The following ZNF462 variants were observed in gnomAD, a reference collection of about 807,000 sequenced individuals.
The protein encoded by ZNF462 is zinc finger PBX1-interacting protein.
A neutral mutation model predicts 201.9 loss-of-function variants in ZNF462; 10 were observed. That is an observed-to-expected ratio of 0.05 (90% CI 0.03 to 0.08). The LOEUF (loss-of-function observed/expected upper bound fraction) is 0.08, where lower values mean the gene tolerates loss of function less well. ZNF462 is among the 10% of genes least tolerant of loss of function. ZNF462 has a pLI of 1.00. For synonymous variants in ZNF462, 1,227 were observed against 1,193.3 expected (o/e 1.03, Z -0.58); for missense variants, 2,523 against 3,168.3 (o/e 0.80, Z 4.89).
In ZNF462 at chr9:106,870,336, A is replaced by G. The variant is rs1827534563; in HGVS notation, c.-31+6981A>G. On this transcript the variant is annotated intron_variant, in intron 1 of 12. Transcript: ENST00000277225. The surrounding 1 kb of genome is among the most constrained non-coding windows in gnomAD (Gnocchi z 4.3). ...TGTGCCAGGTCATGGGTATTTTGGT[A>G]TTGATTTCCTTGCTTTCATGTGTTT... is the stretch of plus-strand genomic sequence containing the variant. Among the ~76,000 whole-genome samples the G allele has an allele frequency of 6.6e-6, 1 of 152,064 alleles. No individual in the cohort carries two copies. The highest frequency in any genetic ancestry group is 1.5e-5 in the Non-Finnish European group (1 of 68,024).
At chr9:106,908,090 C>G (rs1052320731) in intron 1 of ZNF462, among the ~76,000 whole-genome samples, 2 of 151,856 alleles carry the variant, frequency 1.3e-5, no homozygotes, top group South Asian at 4.2e-4. Flanking sequence ...AATGTATTAT[C>G]TCTTAATTGT....
At position 106,924,121 on chromosome 9, in the gene ZNF462, C is replaced by G; in HGVS notation, c.221-12C>G. ...CTTTTGCTTTGTCACTTTCCTTATG[C>G]TTTTTCTTTAGGTCAAAATGCAACT... is the stretch of plus-strand genomic sequence containing the variant. On this transcript the variant is annotated splice_polypyrimidine_tract_variant and intron_variant, in intron 2 of 12. Transcript: ENST00000277225. This position sits in a 1 kb window ranked among gnomAD's most constrained non-coding sequence, Gnocchi z 6.2. 6.3e-7 allele frequency: 1 copy of G among 1,579,406 alleles called. No homozygotes were observed. Among genetic ancestry groups the G allele is most frequent in the Non-Finnish European group, 8.6e-7 (1 of 1,165,340 alleles).
In ZNF462 at chr9:106,895,884, T is replaced by C. The variant is rs935902110; in HGVS notation, c.-30-27470T>C. Among the ~76,000 whole-genome samples, 1 of 152,202 alleles carries C rather than the reference T, an allele frequency of 6.6e-6. No homozygotes were observed. Among genetic ancestry groups the C allele is most frequent in the East Asian group, 1.9e-4 (1 of 5,188 alleles). On this transcript the variant is annotated intron_variant, in intron 1 of 12. Coordinates refer to ENST00000277225, the MANE Select transcript of ZNF462 (RefSeq NM_021224.6). This position sits in a 1 kb window ranked among gnomAD's most constrained non-coding sequence, Gnocchi z 4.4. The stretch of plus-strand genomic sequence containing the variant: ...AATTATTCATAGACAAACCATTCAG[T>C]CTGGTTATGATGTTCACCTCCCCTC...
chr9:106,959,439 A>G (rs1831728725), intron 7 of ZNF462, among the ~76,000 whole-genome samples: 1 of 152,126 alleles, frequency 6.6e-6, no homozygotes, highest in African/African-American at 2.4e-5. Context: ...GATATAATGC[A>G]GACTTCATTG....
rs2131513703 is a variant in ZNF462 at position 106,929,343 on chromosome 9, T to C, written c.5431T>C (p.Tyr1811His). 6.2e-7 allele frequency: 1 copy of C among 1,614,082 alleles called. No homozygotes were observed. Among genetic ancestry groups the C allele is most frequent in the East Asian group, 2.2e-5 (1 of 44,866 alleles). The stretch of plus-strand genomic sequence containing the variant: ...GTTGGGGGGCTACTTCACGGCCGTC[T>C]ATGCAGATGAGCATGAGAAGCCCAC... ...SKLGGYFTAV[Y>H]ADEHEKPTLM... Residue 1811 changes from tyrosine to histidine, a missense_variant, in exon 3 of 13, where the codon TAT (tyrosine) becomes CAT (histidine). This residue lies in a region of ZNF462 where 207 missense variants were observed against 231.6 expected (regional missense o/e 0.89). Transcript: ENST00000277225. The surrounding 1 kb of genome is among the most constrained non-coding windows in gnomAD (Gnocchi z 8.7).
intron 7 of ZNF462, among the ~76,000 whole-genome samples, chr9:106,948,925 C>T (rs1831224900): frequency 6.6e-6 from 1 of 151,872 alleles, no homozygotes; most frequent in Non-Finnish European, 1.5e-5. Context: ...TGAGATTTTG[C>T]CAATCAAAAA....
rs1410607339 is a variant in ZNF462 at position 106,917,886 on chromosome 9, ATTTATTTT to A, written c.-30-5467_-30-5460del. Reference sequence around the variant, plus strand: ...TATTTATTTATTTATTTATTTATTTATTTATTTTGTGACAGAGTCTCACTCTGCCACCC... The same window carrying A: ...TATTTATTTATTTATTTATTTATTTAGTGACAGAGTCTCACTCTGCCACCC... On this transcript the variant is annotated intron_variant, in intron 1 of 12. Coordinates refer to ENST00000277225, the MANE Select transcript of ZNF462 (RefSeq NM_021224.6). The surrounding 1 kb of genome is among the most constrained non-coding windows in gnomAD (Gnocchi z 4.5). Among the ~76,000 whole-genome samples the A allele has an allele frequency of 1.0e-4, 15 of 146,232 alleles. No homozygotes were observed. The highest frequency in any genetic ancestry group is 3.9e-4 in the African/African-American group (15 of 38,370).
At position 106,923,739 on chromosome 9, in the gene ZNF462, G is replaced by A; in HGVS notation, c.220+136G>A. ...TTTGCTAGCCATTTTTGTGGTTTGG[G>A]CATCATGTATCTCTCCTTGAGTACC... On this transcript the variant is annotated intron_variant, in intron 2 of 12. Coordinates refer to ENST00000277225, the MANE Select transcript of ZNF462 (RefSeq NM_021224.6). The surrounding 1 kb of genome is among the most constrained non-coding windows in gnomAD (Gnocchi z 5.6). 1.2e-6 allele frequency: 1 copy of A among 825,186 alleles called. No individual in the cohort carries two copies. Among genetic ancestry groups the A allele is most frequent in the Non-Finnish European group, 1.9e-6 (1 of 529,478 alleles). The allele number at this position is 825,186 out of a possible 1,614,324, so 51.1% of individuals were successfully genotyped here.
At chr9:106,940,187 C>T (rs1428617116) in intron 7 of ZNF462, among the ~76,000 whole-genome samples, 1 of 152,158 alleles carries the variant, frequency 6.6e-6, no homozygotes, top group East Asian at 1.9e-4. Flanking sequence ...TCTGCCTCAA[C>T]TGATTATCTT....
chr9:106,909,899 A>C (rs970677288), intron 1 of ZNF462, among the ~76,000 whole-genome samples: 1 of 152,290 alleles, frequency 6.6e-6, no homozygotes, highest in African/African-American at 2.4e-5. Flanking sequence ...ATTTTCTACC[A>C]CAGATTTAAG....
Position 106,963,942 on chromosome 9 carries a change from T to G in ZNF462, c.6428-8063T>G, listed in dbSNP as rs1831954505. ...TCATGGAAGTGGCATCGTGCAGTAT[T>G]TGTCCCTCTGTGACTGGCTTTAGCA... On this transcript the variant is annotated intron_variant, in intron 7 of 12. Transcript: ENST00000277225. This position sits in a 1 kb window ranked among gnomAD's most constrained non-coding sequence, Gnocchi z 4.7. Among the ~76,000 whole-genome samples, 2 of 151,940 alleles carry G rather than the reference T, an allele frequency of 1.3e-5. No individual in the cohort carries two copies. The highest frequency in any genetic ancestry group is 1.3e-4 in the Admixed American group (2 of 15,226).
At chr9:106,985,605 A>C (rs1233693571) in intron 10 of ZNF462, among the ~76,000 whole-genome samples, 1 of 152,222 alleles carries the variant, frequency 6.6e-6, no homozygotes, top group African/African-American at 2.4e-5. Context: ...AACAAGTCCA[A>C]AATATCTATT....
At chr9:106,961,405 C>G (rs1383673209) in intron 7 of ZNF462, among the ~76,000 whole-genome samples, 1 of 152,124 alleles carries the variant, frequency 6.6e-6, no homozygotes, top group East Asian at 1.9e-4. Flanking sequence ...AGGCTTATTT[C>G]AGCAAACATG....
At position 106,978,677 on chromosome 9, in the gene ZNF462, T is replaced by C. The variant is rs1009822758; in HGVS notation, c.6832+4404T>C. 1.4e-4 allele frequency: 21 copies of C among 151,946 alleles called. 1 individual carries two copies. The highest frequency in any genetic ancestry group is 5.1e-4 in the African/African-American group (21 of 40,928). 9.4% of individuals were successfully genotyped at this position (151,946 alleles called of 1,614,324 possible). On this transcript the variant is annotated intron_variant, in intron 9 of 12. Transcript: ENST00000277225. The surrounding 1 kb of genome is among the most constrained non-coding windows in gnomAD (Gnocchi z 4.1). The stretch of plus-strand genomic sequence containing the variant: ...TAGGTTTTCATTCATGCAACAAATA[T>C]TTATTGAACACCCACTATATGCCAG...
rs891963751 is a variant in ZNF462, at chr9:106,913,876, A to C, written c.-30-9478A>C. Among the ~76,000 whole-genome samples the C allele has an allele frequency of 2.0e-5, 3 of 150,688 alleles. No individual in the cohort carries two copies. Among genetic ancestry groups the C allele is most frequent in the African/African-American group, 7.3e-5 (3 of 41,340 alleles). ...CTCAGCCTCCCAAAGTGCTAGGATT[A>C]CAGGCATGAGACACTGTGCCCAGCT... On this transcript the variant is annotated intron_variant, in intron 1 of 12. Transcript: ENST00000277225. The surrounding 1 kb of genome is among the most constrained non-coding windows in gnomAD (Gnocchi z 4.1).
chr9:106,990,749 A>T (rs560277462), intron 10 of ZNF462, among the ~76,000 whole-genome samples: 1 of 152,138 alleles, frequency 6.6e-6, no homozygotes, highest in South Asian at 2.1e-4. Context: ...TATGAGACTC[A>T]TGCTTATTAC....
intron 11 of ZNF462, among the ~76,000 whole-genome samples, chr9:107,007,213 C>T (rs991560526): frequency 2.0e-5 from 3 of 152,140 alleles, no homozygotes; most frequent in African/African-American, 7.2e-5. Flanking sequence ...GCAAAATACC[C>T]TTCTAGGCTT....
intron 1 of ZNF462, among the ~76,000 whole-genome samples, chr9:106,916,881 CCAGTG>C (rs1265086710): frequency 1.1e-4 from 16 of 152,190 alleles, no homozygotes; most frequent in African/African-American, 3.4e-4. Flanking sequence ...TTAGAATTAT[CCAGTG>C]AACTGCAAGT....
intron 5 of ZNF462, among the ~76,000 whole-genome samples, chr9:106,934,296 GAAA>G (rs61513773): frequency 1.1e-4 from 13 of 113,972 alleles, no homozygotes; most frequent in African/African-American, 3.0e-4. Context: ...CTCTTGAGAT[GAAA>G]AAAAAAAAAA....
Sources: gnomAD v4.1 joint callset for allele counts (sites outside exome capture counted in the v4.1 genomes callset) on GRCh38, gnomAD v4.1.1 for gene constraint, gnomAD v4.1.1 regional missense constraint, Gnocchi (gnomAD v3.1) non-coding constraint, MANE v1.5 for transcripts, NCBI Gene and HGNC (gene_info 2026-07-23, HGNC 2026-07-21) for gene names.